CYP1B1: variants seen among roughly 807,000 people sequenced by gnomAD.
CYP1B1 encodes the protein cytochrome P450 family 1 subfamily B member 1.
A neutral mutation model predicts 29.9 loss-of-function variants in CYP1B1; 22 were observed. The observed-to-expected ratio is 0.74, with a 90% CI of 0.53 to 1.05. The LOEUF (loss-of-function observed/expected upper bound fraction) is 1.05. Ranked by LOEUF, CYP1B1 falls within the 50% of genes least tolerant of loss-of-function variation. The pLI is 0.00. For missense variants in CYP1B1, 883 were observed against 746.9 expected, an observed-to-expected ratio of 1.18 and a Z score of -2.12; for synonymous variants, 375 against 320.0, an observed-to-expected ratio of 1.17 and a Z score of -1.83.
At position 38,075,520 on chromosome 2, in the gene CYP1B1, A is replaced by T; in HGVS notation, c.-1-131T>A. 3.3e-6 allele frequency: 3 copies of T among 902,840 alleles called. No homozygotes were observed. In the South Asian group the frequency reaches 4.4e-5, roughly 13 times the overall value. The allele number at this position is 902,840 out of a possible 1,614,324, so 55.9% of individuals were successfully genotyped here. A position where few individuals can be genotyped will look rare whatever the true frequency, so the allele number is the denominator to read the frequency against. On this transcript the variant is annotated intron_variant, in intron 1 of 2. Transcript: ENST00000610745. ...AGGTCGGAGCTGACTCTCTGGAGAA[A>T]TGGCCGAAGACGCCCCTTCCCATCC...
chr2:38,075,365 G>A lies in CYP1B1; in HGVS notation c.24C>T (p.Asn8=), dbSNP rs142995558. 1.2e-5 allele frequency: 20 copies of A among 1,612,836 alleles called. No individual in the cohort carries two copies. The highest frequency in any genetic ancestry group is 1.6e-5 in the Non-Finnish European group (19 of 1,179,970). ...ACAGCGGGTTTAGCGGCCAAGGGTCGTTCGGGCTGAGGCTGGTGCCCATGC... is the reference window on the plus strand; with the variant it reads ...ACAGCGGGTTTAGCGGCCAAGGGTCATTCGGGCTGAGGCTGGTGCCCATGC... MGTSLSP[N]DPWPLNPLSI... is the part of the protein sequence containing the mutation. Residue 8 remains asparagine (N), a synonymous_variant, in exon 2 of 3, where the codon AAC becomes AAT. Transcript: ENST00000610745.
rs10012 is a variant in CYP1B1, at chr2:38,075,247, G to A, written c.142C>T (p.Arg48Trp). The change falls in exon 2 of 3, where the codon CGG (arginine) becomes TGG (tryptophan). Residue 48 changes from arginine (R) to tryptophan (W), a missense_variant. Coordinates refer to ENST00000610745, the MANE Select transcript of CYP1B1 (RefSeq NM_000104.4). ...GCAAACGGGCCCGGGGGCGCGGACC[G>A]GAGCTGCCGCCTCCGTTGCCTCAGC... ...RLLRQRRRQL[R>W]SAPPGPFAWP... is the part of the protein sequence containing the mutation. The A allele has an allele frequency of 1.3e-6, 2 of 1,593,386 alleles. No individual in the cohort carries two copies. Among genetic ancestry groups the A allele is most frequent in the Non-Finnish European group, 8.5e-7 (1 of 1,174,404 alleles).
chr2:38,075,679 G>T, intron 1 of CYP1B1, 101 bp downstream of exon 1: 1 of 533,800 alleles, frequency 1.9e-6, no homozygotes, highest in East Asian at 3.2e-5. Context: ...GCATCGAGGC[G>T]GTGGCGCTTG....
chr2:38,072,304 C>T (rs544633438), intron 2 of CYP1B1, among the ~76,000 whole-genome samples: 170 of 152,274 alleles, frequency 1.1e-3, no homozygotes, highest in African/African-American at 3.8e-3. Flanking sequence ...GGGAGAACTG[C>T]TTGAGCCCAG....
In CYP1B1 at chr2:38,074,522, G is replaced by A; in HGVS notation, c.867C>T (p.Pro289=). Residue 289 remains proline, a synonymous_variant, in exon 2 of 3, where the codon CCC becomes CCT. Transcript: ENST00000610745. ...HCESLRPGAA[P]RDMMDAFILS... Reference sequence around the variant, plus strand: ...GGATAAAGGCGTCCATCATGTCGCGGGGGGCGGCCCCGGGCCGAAGGCTTT... The same window carrying A: ...GGATAAAGGCGTCCATCATGTCGCGAGGGGCGGCCCCGGGCCGAAGGCTTT... 1 of 1,608,818 alleles carries A rather than the reference G, an allele frequency of 6.2e-7. No homozygotes were observed.
At position 38,075,239 on chromosome 2, in the gene CYP1B1, C is replaced by T. The variant is rs755422122; in HGVS notation, c.150G>A (p.Ala50=). 3.1e-6 allele frequency: 5 copies of T among 1,590,772 alleles called. No individual in the cohort carries two copies. The Admixed American group carries it at 7.0e-5, about 22-fold the overall frequency. ...LRQRRRQLRS[A]PPGPFAWPLI... ...GTGGCCACGCAAACGGGCCCGGGGG[C>T]GCGGACCGGAGCTGCCGCCTCCGTT... Residue 50 remains alanine (A), a synonymous_variant, in exon 2 of 3, where the codon GCG becomes GCA. Coordinates refer to ENST00000610745, the MANE Select transcript of CYP1B1 (RefSeq NM_000104.4).
In CYP1B1 at chr2:38,075,025, AGGCGAAGGCCGGCCGGTC is replaced by A. The variant is rs753591839; in HGVS notation, c.346_363del (p.Asp116_Ala121del). Reference sequence around the variant, plus strand: ...CGGCCGCCGGACACCACACGGAAGGAGGCGAAGGCCGGCCGGTCGGCGAAGGCCGAGCCCTGCTGCACC... The same window carrying A: ...CGGCCGCCGGACACCACACGGAAGGAGGCGAAGGCCGAGCCCTGCTGCACC... On this transcript the variant is annotated inframe_deletion, in exon 2 of 3. Coordinates refer to ENST00000610745, the MANE Select transcript of CYP1B1 (RefSeq NM_000104.4). The A allele has an allele frequency of 1.6e-5, 25 of 1,591,768 alleles. No individual in the cohort carries two copies. The highest frequency in any genetic ancestry group is 2.0e-5 in the Non-Finnish European group (23 of 1,177,052).
intron 2 of CYP1B1, among the ~76,000 whole-genome samples, chr2:38,071,883 AT>A (rs11453846): frequency 2.6e-5 from 4 of 152,016 alleles, no homozygotes; most frequent in African/African-American, 4.8e-5. Flanking sequence ...GTGAAAGTAA[AT>A]TTTTTTTCTC....
At chr2:38,071,809 A>T (rs182977572) in intron 2 of CYP1B1, among the ~76,000 whole-genome samples, 5 of 152,310 alleles carry the variant, frequency 3.3e-5, no homozygotes, top group Non-Finnish European at 5.9e-5. Context: ...TTTAATTTTT[A>T]ATTTTTTTAT....
At position 38,075,179 on chromosome 2, in the gene CYP1B1, A is replaced by C. The variant is rs1229924603; in HGVS notation, c.210T>G (p.Ala70=). The stretch of plus-strand genomic sequence containing the variant: ...GCGCCAGGCGAGCGAACGAGAGGTG[A>C]GCCGCCTGGCCCACCGCCGCCGCGT... ...IGNAAAVGQA[A]HLSFARLARR... Residue 70 remains alanine (A), a synonymous_variant, in exon 2 of 3, where the codon GCT becomes GCG. Transcript: ENST00000610745. 1 of 1,569,340 alleles carries C rather than the reference A, an allele frequency of 6.4e-7. No individual in the cohort carries two copies. Among genetic ancestry groups the C allele is most frequent in the Non-Finnish European group, 8.6e-7 (1 of 1,164,910 alleles).
chr2:38,074,555 C>T lies in CYP1B1; in HGVS notation c.834G>A (p.Arg278=), dbSNP rs779139977. The change falls in exon 2 of 3, where the codon AGG becomes AGA. Residue 278 remains arginine, a synonymous_variant. Coordinates refer to ENST00000610745, the MANE Select transcript of CYP1B1 (RefSeq NM_000104.4). ...CCCCGGGCCGAAGGCTTTCGCAGTG[C>T]CTCAAGAACTTGTCCAGGATGAAGT... The part of the protein sequence containing the change: ...FSNFILDKFL[R]HCESLRPGAA... 5 of 1,609,434 alleles carry T rather than the reference C, an allele frequency of 3.1e-6. No individual in the cohort carries two copies. The Admixed American group carries it at 6.7e-5, about 22-fold the overall frequency.
chr2:38,074,209 G>T lies in CYP1B1; in HGVS notation c.1043+137C>A, dbSNP rs373848845. 25 of 972,898 alleles carry T rather than the reference G, an allele frequency of 2.6e-5. No individual in the cohort carries two copies. In the African/African-American group the frequency reaches 3.6e-4, roughly 14 times the overall value. 60.3% of individuals were successfully genotyped at this position (972,898 alleles called of 1,614,324 possible). On this transcript the variant is annotated intron_variant, in intron 2 of 2. Transcript: ENST00000610745. Reference sequence around the variant, plus strand: ...TCACTGTGAGTCCCTTTACCGACGCGATCTTGGTTTTGAGGGGTGGGGACC... The same window carrying T: ...TCACTGTGAGTCCCTTTACCGACGCTATCTTGGTTTTGAGGGGTGGGGACC...
chr2:38,074,285 G>GTC, intron 2 of CYP1B1, 61 bp downstream of exon 2: 1 of 1,563,322 alleles, frequency 6.4e-7, no homozygotes, highest in African/African-American at 1.3e-5. Context: ...AGCATATTCT[G>GTC]TCTCTACTCC....
At chr2:38,074,305 AGAG>A (rs1298827087) in intron 2 of CYP1B1, 38 bp downstream of exon 2, 3 of 1,601,412 alleles carry the variant, frequency 1.9e-6, no homozygotes, top group Non-Finnish European at 2.6e-6. Context: ...CGCCTTTTTC[AGAG>A]GAGAAAAGAC....
At position 38,074,539 on chromosome 2, in the gene CYP1B1, G is replaced by A. The variant is rs368249322; in HGVS notation, c.850C>T (p.Arg284Trp). The A allele has an allele frequency of 2.5e-4, 396 of 1,608,072 alleles. No homozygotes were observed. Among genetic ancestry groups the A allele is most frequent in the Non-Finnish European group, 3.2e-4 (372 of 1,177,456 alleles). Residue 284 changes from arginine to tryptophan, a missense_variant, in exon 2 of 3, where the codon CGG becomes TGG. Arg to Trp is a moderately radical substitution (Grantham distance 101). Coordinates refer to ENST00000610745, the MANE Select transcript of CYP1B1 (RefSeq NM_000104.4). ...ATGTCGCGGGGGGCGGCCCCGGGCC[G>A]AAGGCTTTCGCAGTGCCTCAAGAAC... ...DKFLRHCESL[R>W]PGAAPRDMMD... is the part of the protein sequence containing the mutation.
At position 38,075,043 on chromosome 2, in the gene CYP1B1, C is replaced by A; in HGVS notation, c.346G>T (p.Asp116Tyr). ...ALVQQGSAFA[D>Y]RPAFASFRVV... The stretch of plus-strand genomic sequence containing the variant: ...CGGAAGGAGGCGAAGGCCGGCCGGT[C>A]GGCGAAGGCCGAGCCCTGCTGCACC... Residue 116 changes from aspartate to tyrosine, a missense_variant, in exon 2 of 3, where the codon GAC becomes TAC. Transcript: ENST00000610745. 2 of 1,587,256 alleles carry A rather than the reference C, an allele frequency of 1.3e-6. No homozygotes were observed. Among genetic ancestry groups the A allele is most frequent in the Middle Eastern group, 1.7e-4 (1 of 6,014 alleles).
rs1682359101 is a variant in CYP1B1 at position 38,068,514 on chromosome 2, A to G, written c.*2208T>C. The G allele has an allele frequency of 8.9e-6, 2 of 225,598 alleles. No homozygotes were observed. The highest frequency in any genetic ancestry group is 4.4e-5 in the African/African-American group (2 of 44,980). 14.0% of individuals were successfully genotyped at this position (225,598 alleles called of 1,614,324 possible). A position where few individuals can be genotyped will look rare whatever the true frequency, so the allele number is the denominator to read the frequency against. ...ATTTCTCAATCTAAAAAAATAGGCT[A>G]CAGCAGCCCAAATTCACTGTCTCAG... On this transcript the variant is annotated 3_prime_UTR_variant, in exon 3 of 3. Transcript: ENST00000610745.
At chr2:38,075,641 T>G in intron 1 of CYP1B1, 139 bp downstream of exon 1, 1 of 581,680 alleles carries the variant, frequency 1.7e-6, no homozygotes, top group Non-Finnish European at 3.1e-6. Flanking sequence ...CGCGTAACGG[T>G]TCCTGCAATC....
At position 38,070,932 on chromosome 2, in the gene CYP1B1, T is replaced by C; in HGVS notation, c.1422A>G (p.Glu474=). The C allele has an allele frequency of 2.5e-6, 4 of 1,614,184 alleles. No homozygotes were observed. The highest frequency in any genetic ancestry group is 1.6e-4 in the Middle Eastern group (1 of 6,062). The change falls in exon 3 of 3, where the codon GAA becomes GAG. Residue 474 remains glutamate, a synonymous_variant. Transcript: ENST00000610745. ...AGAGAAAAAGCTGCATCTTAGAAAG[T>C]TCTTCGCCAATGCACCGCCTTTTGC... is the stretch of plus-strand genomic sequence containing the variant. The part of the protein sequence containing the change: ...SVGKRRCIGE[E]LSKMQLFLFI...
Sources: allele counts gnomAD v4.1 joint callset (sites outside exome capture counted in the v4.1 genomes callset), GRCh38; gene constraint gnomAD v4.1.1; transcripts MANE v1.5; gene names NCBI Gene and HGNC (gene_info 2026-07-23, HGNC 2026-07-21).